The following CNTN5 variants were observed in gnomAD, a reference collection of about 807,000 sequenced individuals.
CNTN5 encodes the protein contactin-5.
In CNTN5, 77 loss-of-function variants were observed where a neutral mutation model predicts 129.1. The ratio of observed to expected loss-of-function variants is 0.60; its 90% confidence interval spans 0.50 to 0.72. The LOEUF is 0.72. CNTN5 is among the 30% of genes least tolerant of loss of function. The pLI, the probability that CNTN5 is intolerant of heterozygous loss-of-function variation, is 0.00. For synonymous variants in CNTN5, 509 were observed against 465.6 expected (o/e 1.09, Z -1.20); for missense variants, 1,478 against 1,328.8 (o/e 1.11, Z -1.75).
At chr11:100,061,480 A>T in intron 10 of CNTN5, 87 bp downstream of exon 10, 1 of 1,016,872 alleles carries the variant, frequency 9.8e-7, no homozygotes, top group Non-Finnish European at 1.4e-6. Context: ...ATTGTTTGTT[A>T]GGTACATAAA....
chr11:99,238,668 T>G (rs1861395534), intron 1 of CNTN5, among the ~76,000 whole-genome samples: 1 of 152,174 alleles, frequency 6.6e-6, no homozygotes, highest in Admixed American at 6.5e-5. Flanking sequence ...AAATATTTTT[T>G]GTCAAAATTT....
chr11:99,934,183 C>T (rs1950255586), intron 7 of CNTN5, among the ~76,000 whole-genome samples: 2 of 152,150 alleles, frequency 1.3e-5, no homozygotes, highest in African/African-American at 4.8e-5. Context: ...CTTTCCATTT[C>T]TGTCTGAAGA....
chr11:99,488,106 C>T (rs1007920317), intron 2 of CNTN5, among the ~76,000 whole-genome samples: 1 of 149,914 alleles, frequency 6.7e-6, no homozygotes. Context: ...TTTATTTTTT[C>T]TTACTTTCCC....
At chr11:99,343,606 A>G (rs761887549) in intron 2 of CNTN5, among the ~76,000 whole-genome samples, 3 of 152,180 alleles carry the variant, frequency 2.0e-5, no homozygotes, top group Non-Finnish European at 4.4e-5. Flanking sequence ...TTATACGTCG[A>G]TCTCTGTATC....
chr11:100,080,526 A>G (rs557445141), intron 13 of CNTN5, among the ~76,000 whole-genome samples: 4 of 152,270 alleles, frequency 2.6e-5, no homozygotes, highest in South Asian at 2.1e-4. Flanking sequence ...GACATATGGG[A>G]AAATCTGTTC....
chr11:100,351,211 T>C (rs1952404209), intron 24 of CNTN5, among the ~76,000 whole-genome samples: 1 of 151,668 alleles, frequency 6.6e-6, no homozygotes, highest in African/African-American at 2.4e-5. Flanking sequence ...TACCTACATT[T>C]CTGTAGTTTT....
chr11:99,728,835 A>G (rs1943437731), intron 3 of CNTN5, among the ~76,000 whole-genome samples: 1 of 152,200 alleles, frequency 6.6e-6, no homozygotes, highest in Non-Finnish European at 1.5e-5. Context: ...AGCAGGTGAG[A>G]AAGGAAAGAA....
At chr11:99,423,628 C>A (rs1942992623) in intron 2 of CNTN5, among the ~76,000 whole-genome samples, 2 of 152,112 alleles carry the variant, frequency 1.3e-5, no homozygotes, top group Admixed American at 1.3e-4. Context: ...CTAGTAATAC[C>A]TACATTAGTG....
chr11:99,477,480 A>G (rs530971847), intron 2 of CNTN5, among the ~76,000 whole-genome samples: 8 of 152,114 alleles, frequency 5.3e-5, no homozygotes, highest in African/African-American at 1.9e-4. Context: ...CATATTTTTA[A>G]TTATTCTAAC....
At chr11:99,388,176 G>C (rs1444748991) in intron 2 of CNTN5, among the ~76,000 whole-genome samples, 2 of 151,906 alleles carry the variant, frequency 1.3e-5, no homozygotes, top group African/African-American at 4.8e-5. Flanking sequence ...AGCACTTTGG[G>C]AGGCCGAGGC....
intron 8 of CNTN5, among the ~76,000 whole-genome samples, chr11:99,973,476 T>C (rs1937716505): frequency 1.3e-5 from 2 of 152,216 alleles, no homozygotes; most frequent in Non-Finnish European, 2.9e-5. Flanking sequence ...TATTTTCCTA[T>C]GGTTTTCAGT....
In CNTN5 at chr11:99,637,694, AAAAAT is replaced by A. The variant is rs1402283303; in HGVS notation, c.55+81427_55+81431del. 6.9e-3 allele frequency among the ~76,000 whole-genome samples: 1,045 copies of A among 152,184 alleles called. 66 individuals carry two copies. In the East Asian group the frequency reaches 0.17, roughly 24 times the overall value. On this transcript the variant is annotated intron_variant, in intron 3 of 24. Coordinates refer to ENST00000524871, the MANE Select transcript of CNTN5 (RefSeq NM_014361.4). ...AATGTCAAAAATAGAAAAGGTGCTC[AAAAAT>A]ATATAACTATTTATTTTACTTTAAA...
At chr11:99,151,172 A>C (rs1239775177) in intron 1 of CNTN5, among the ~76,000 whole-genome samples, 1 of 152,108 alleles carries the variant, frequency 6.6e-6, no homozygotes, top group Non-Finnish European at 1.5e-5. Context: ...TGAATGTTTT[A>C]TGAAAGGATT....
intron 3 of CNTN5, among the ~76,000 whole-genome samples, chr11:99,725,327 A>G (rs941917447): frequency 4.6e-5 from 7 of 152,154 alleles, no homozygotes; most frequent in Non-Finnish European, 7.4e-5. Context: ...AGGTAGATAT[A>G]ATTTGAAAAC....
chr11:100,068,633 A>G (rs923011522), intron 10 of CNTN5, among the ~76,000 whole-genome samples: 10 of 152,202 alleles, frequency 6.6e-5, no homozygotes, highest in African/African-American at 2.2e-4. Context: ...ATTTTAGCAT[A>G]TATGACACAT....
chr11:99,411,854 T>C (rs1259405608), intron 2 of CNTN5, among the ~76,000 whole-genome samples: 5 of 152,200 alleles, frequency 3.3e-5, no homozygotes, highest in African/African-American at 4.8e-5. Context: ...ATATGGTTGA[T>C]TGGTAAAACA....
intron 2 of CNTN5, among the ~76,000 whole-genome samples, chr11:99,477,388 T>C (rs1945414502): frequency 6.6e-6 from 1 of 152,016 alleles, no homozygotes; most frequent in African/African-American, 2.4e-5. Flanking sequence ...ATTGTATAAC[T>C]AAACTCTGAG....
chr11:99,342,307 T>C (rs1232920508), intron 2 of CNTN5, among the ~76,000 whole-genome samples: 3 of 152,012 alleles, frequency 2.0e-5, no homozygotes, highest in Non-Finnish European at 4.4e-5. Context: ...GAGAGGGATA[T>C]ATATGGGAAA....
chr11:99,282,577 C>A (rs1324442433), intron 1 of CNTN5, among the ~76,000 whole-genome samples: 7 of 152,004 alleles, frequency 4.6e-5, no homozygotes, highest in Admixed American at 6.6e-5. Flanking sequence ...AATGCACATT[C>A]ATATTATGTC....
Sources: gnomAD v4.1 joint callset for allele counts (sites outside exome capture counted in the v4.1 genomes callset) on GRCh38, gnomAD v4.1.1 for gene constraint, MANE v1.5 for transcripts, NCBI Gene and HGNC (gene_info 2026-07-23, HGNC 2026-07-21) for gene names.